Variants in CERS4 observed in about 807,000 individuals in gnomAD.
CERS4 encodes ceramide synthase 4, also known as LAG1 homolog, ceramide synthase 4.
A neutral mutation model predicts 51.8 loss-of-function variants in CERS4; 65 were observed. That is an observed-to-expected ratio of 1.26 (90% confidence interval 1.03 to 1.54). The LOEUF (loss-of-function observed/expected upper bound fraction) is 1.54. CERS4 is among the 40% of genes most tolerant of loss of function. The probability of loss-of-function intolerance (pLI) is 0.00; values close to 1 mark genes in which losing one functional copy is unlikely to be tolerated. For missense variants in CERS4, 563 were observed against 500.4 expected (o/e 1.13, Z -1.19); for synonymous variants, 228 against 208.4 (o/e 1.09, Z -0.81).
intron 2 of CERS4, among the ~76,000 whole-genome samples, chr19:8,245,128 A>C (rs796451846): frequency 4.7e-3 from 87 of 18,670 alleles, no homozygotes; most frequent in Non-Finnish European, 7.3e-3. Context: ...AAAAAAAAAA[A>C]AAAAAAACAC....
intron 9 of CERS4, 51 bp downstream of exon 9, chr19:8,257,128 C>G: frequency 3.3e-6 from 5 of 1,528,464 alleles, no homozygotes; most frequent in Non-Finnish European, 4.4e-6. Context: ...CCAGCCCTCC[C>G]AGGTGCCCCA....
chr19:8,245,122 A>ACAAAACAAAAACAAAAAAAC (rs755450125), intron 2 of CERS4, among the ~76,000 whole-genome samples: 4 of 129,284 alleles, frequency 3.1e-5, no homozygotes, highest in East Asian at 2.2e-4. Flanking sequence ...AAAAAAAAAA[A>ACAAAACAAAAACAAAAAAAC]AAAAAAAAAA....
chr19:8,212,567 C>T lies in CERS4; in HGVS notation c.-2+1705C>T, dbSNP rs973242526. 2.6e-5 allele frequency among the ~76,000 whole-genome samples: 4 copies of T among 152,074 alleles called. No homozygotes were observed. The East Asian group carries it at 5.8e-4, about 22-fold the overall frequency. On this transcript the variant is annotated intron_variant, in intron 2 of 11. Coordinates refer to ENST00000251363, the MANE Select transcript of CERS4 (RefSeq NM_024552.3). The stretch of plus-strand genomic sequence containing the variant: ...TGGGAGCCAAGGGAGCTGGGGCTGT[C>T]ATAGGAGGAAAGGGTCTTGAAACCC...
At chr19:8,242,629 T>C (rs915816248) in intron 2 of CERS4, among the ~76,000 whole-genome samples, 2 of 152,126 alleles carry the variant, frequency 1.3e-5, no homozygotes, top group African/African-American at 4.8e-5. Context: ...GCATAGGAGT[T>C]TGCCAAACAG....
chr19:8,229,573 A>AT (rs1160857354), intron 2 of CERS4, among the ~76,000 whole-genome samples: 2 of 151,672 alleles, frequency 1.3e-5, no homozygotes, highest in Non-Finnish European at 2.9e-5. Context: ...ACGCCCAGCT[A>AT]TTTTTTTGTA....
At position 8,211,752 on chromosome 19, in the gene CERS4, C is replaced by T. The variant is rs545457608; in HGVS notation, c.-2+890C>T. On this transcript the variant is annotated intron_variant, in intron 2 of 11. Coordinates refer to ENST00000251363, the MANE Select transcript of CERS4 (RefSeq NM_024552.3). ...ACTAGAAATACAAAAATTAGCCGGG[C>T]GTGGTGGCATGTACCTGTAATCTCA... Among the ~76,000 whole-genome samples, 13 of 151,888 alleles carry T rather than the reference C, an allele frequency of 8.6e-5. 1 individual carries two copies. The South Asian group carries it at 2.3e-3, about 27-fold the overall frequency.
rs563036315 is a variant in CERS4 at position 8,260,588 on chromosome 19, A to G, written c.849-1100A>G. 5.9e-5 allele frequency among the ~76,000 whole-genome samples: 9 copies of G among 151,562 alleles called. No homozygotes were observed. In the South Asian group the frequency reaches 1.9e-3, roughly 32 times the overall value. On this transcript the variant is annotated intron_variant, in intron 10 of 11. Coordinates refer to ENST00000251363, the MANE Select transcript of CERS4 (RefSeq NM_024552.3). The stretch of plus-strand genomic sequence containing the variant: ...AAGTTGGTGCCCAGAGGGGCAGAGT[A>G]AAGAGTGAGCTTTTTGTTTTTTTCT...
intron 2 of CERS4, among the ~76,000 whole-genome samples, chr19:8,219,319 C>A (rs2145173070): frequency 6.6e-6 from 1 of 152,264 alleles, no homozygotes; most frequent in Non-Finnish European, 1.5e-5. Flanking sequence ...CAACCCACTG[C>A]CCCCAGCTCC....
chr19:8,235,943 C>G (rs1968230621), intron 2 of CERS4, among the ~76,000 whole-genome samples: 1 of 152,108 alleles, frequency 6.6e-6, no homozygotes, highest in Non-Finnish European at 1.5e-5. Flanking sequence ...CGCCTGTAAT[C>G]CCAGCACTTT....
At chr19:8,211,325 G>C (rs1303345184) in intron 2 of CERS4, among the ~76,000 whole-genome samples, 2 of 152,138 alleles carry the variant, frequency 1.3e-5, no homozygotes, top group Non-Finnish European at 2.9e-5. Context: ...TCGCTGCCCT[G>C]TCCCCTTCTC....
intron 2 of CERS4, among the ~76,000 whole-genome samples, chr19:8,224,104 TAAAA>T (rs746066578): frequency 3.1e-5 from 2 of 65,476 alleles, no homozygotes; most frequent in African/African-American, 6.2e-5. Context: ...ACTCCGTCTT[TAAAA>T]AAAAAAAAAA....
chr19:8,258,767 A>C (rs1029597127), intron 10 of CERS4, among the ~76,000 whole-genome samples: 1 of 152,066 alleles, frequency 6.6e-6, no homozygotes, highest in African/African-American at 2.4e-5. Flanking sequence ...ACTTAAACCC[A>C]GAAGGCAGAG....
At chr19:8,214,956 G>A (rs910271937) in intron 2 of CERS4, among the ~76,000 whole-genome samples, 2 of 146,294 alleles carry the variant, frequency 1.4e-5, no homozygotes, top group African/African-American at 5.0e-5. Context: ...AGGAGAGGGA[G>A]GAGGGGGAGG....
intron 2 of CERS4, among the ~76,000 whole-genome samples, chr19:8,243,296 G>A (rs1968618196): frequency 6.6e-6 from 1 of 151,190 alleles, no homozygotes; most frequent in Non-Finnish European, 1.5e-5. Context: ...GACCAAGAGT[G>A]CCAAGCTGGC....
At chr19:8,251,321 T>C (rs1969067644) in intron 3 of CERS4, 72 bp downstream of exon 3, 1 of 1,468,010 alleles carries the variant, frequency 6.8e-7, no homozygotes, top group Non-Finnish European at 9.0e-7. Flanking sequence ...CTGTGTGCAA[T>C]TTGCCATTGC....
chr19:8,257,633 T>C lies in CERS4; in HGVS notation c.742-246T>C, dbSNP rs373324905. ...GTAGTAGAGATGGAGTTTCACCATGTTGGCCAGGCTGGTCTCGAACTCCTG... is the reference window on the plus strand; with the variant it reads ...GTAGTAGAGATGGAGTTTCACCATGCTGGCCAGGCTGGTCTCGAACTCCTG... On this transcript the variant is annotated intron_variant, in intron 9 of 11. Coordinates refer to ENST00000251363, the MANE Select transcript of CERS4 (RefSeq NM_024552.3). Among the ~76,000 whole-genome samples, 321 of 152,260 alleles carry C rather than the reference T, an allele frequency of 2.1e-3. 1 individual carries two copies. Among genetic ancestry groups the C allele is most frequent in the African/African-American group, 7.1e-3 (296 of 41,554 alleles).
intron 2 of CERS4, among the ~76,000 whole-genome samples, chr19:8,220,129 C>T (rs113116829): frequency 0.013 from 2,001 of 152,114 alleles, 26 homozygotes; most frequent in Non-Finnish European, 0.02. Flanking sequence ...CGGCTCTCCT[C>T]GCCCCCTCCC....
intron 3 of CERS4, among the ~76,000 whole-genome samples, chr19:8,252,748 T>C (rs1156509888): frequency 6.6e-6 from 1 of 152,162 alleles, no homozygotes; most frequent in Non-Finnish European, 1.5e-5. Context: ...CTAAATTTTG[T>C]ATTTTTAGTA....
At chr19:8,254,445 A>G (rs368734848) in intron 3 of CERS4, 54 bp from the exon 4 acceptor site, 6 of 1,538,572 alleles carry the variant, frequency 3.9e-6, no homozygotes, top group Non-Finnish European at 5.4e-6. Flanking sequence ...CCCCACACAC[A>G]GGCAGTCCCA....
Sources: gnomAD v4.1 joint callset for allele counts (sites outside exome capture counted in the v4.1 genomes callset) on GRCh38, gnomAD v4.1.1 for gene constraint, MANE v1.5 for transcripts, NCBI Gene and HGNC (gene_info 2026-07-23, HGNC 2026-07-21) for gene names.